The following PDLIM5 variants were observed in gnomAD, a reference collection of about 807,000 sequenced individuals.
The protein encoded by PDLIM5 is PDZ and LIM domain protein 5.
PDLIM5 carries 34 observed loss-of-function variants against 64.2 expected under a neutral mutation model. The observed-to-expected ratio is 0.53, with a 90% CI of 0.40 to 0.71. The LOEUF (loss-of-function observed/expected upper bound fraction) is 0.71, where lower values mean the gene tolerates loss of function less well. Among genes scored for constraint, PDLIM5 ranks in the 30% least tolerant of loss-of-function variants. The pLI, the probability that PDLIM5 is intolerant of heterozygous loss-of-function variation, is 0.00. For missense variants in PDLIM5, 683 were observed against 733.6 expected, an observed-to-expected ratio of 0.93 and a Z score of 0.80; for synonymous variants, 253 against 269.1, an observed-to-expected ratio of 0.94 and a Z score of 0.59.
intron 8 of PDLIM5, among the ~76,000 whole-genome samples, chr4:94,624,005 A>AT (rs1219792563): frequency 2.0e-5 from 3 of 151,576 alleles, no homozygotes; most frequent in South Asian, 2.1e-4. Flanking sequence ...CATGATAGGA[A>AT]TTTTTTTTTC....
At chr4:94,651,238 G>A (rs752624422) in intron 9 of PDLIM5, among the ~76,000 whole-genome samples, 19 of 152,200 alleles carry the variant, frequency 1.2e-4, no homozygotes, top group South Asian at 2.1e-4. Flanking sequence ...GGACAGCCAA[G>A]AAGTATCAAG....
chr4:94,609,660 T>C (rs75283400), intron 7 of PDLIM5, among the ~76,000 whole-genome samples: 1,670 of 152,324 alleles, frequency 0.011, 40 homozygotes, highest in African/African-American at 0.038. Flanking sequence ...TGCTCCTTCT[T>C]GATAAGCAGT....
intron 2 of PDLIM5, among the ~76,000 whole-genome samples, chr4:94,492,706 GT>G (rs1477354002): frequency 2.6e-5 from 4 of 151,972 alleles, no homozygotes; most frequent in Non-Finnish European, 5.9e-5. Flanking sequence ...CATAATACCG[GT>G]TTCTTACTCC....
At chr4:94,454,488 G>A (rs1055457829) in intron 1 of PDLIM5, among the ~76,000 whole-genome samples, 3 of 152,140 alleles carry the variant, frequency 2.0e-5, no homozygotes, top group Admixed American at 6.5e-5. Flanking sequence ...CACTTTTGCT[G>A]TATTTAGTCA....
At chr4:94,492,979 A>C (rs1578246771) in intron 2 of PDLIM5, among the ~76,000 whole-genome samples, 1 of 152,230 alleles carries the variant, frequency 6.6e-6, no homozygotes, top group East Asian at 1.9e-4. Context: ...CACCATTTTA[A>C]CTTCCCACCA....
At chr4:94,624,231 T>G (rs1214563908) in intron 8 of PDLIM5, among the ~76,000 whole-genome samples, 1 of 151,776 alleles carries the variant, frequency 6.6e-6, no homozygotes, top group African/African-American at 2.4e-5. Context: ...GATGGGAAGA[T>G]CTCTTGAGCC....
At chr4:94,655,667 A>G (rs1213075701) in intron 10 of PDLIM5, among the ~76,000 whole-genome samples, 8 of 152,240 alleles carry the variant, frequency 5.3e-5, no homozygotes, top group Non-Finnish European at 2.9e-5. Context: ...CAAATAATTA[A>G]TAGAATATTC....
intron 2 of PDLIM5, among the ~76,000 whole-genome samples, chr4:94,496,730 C>T (rs1211541780): frequency 6.6e-6 from 1 of 152,156 alleles, no homozygotes; most frequent in Non-Finnish European, 1.5e-5. Flanking sequence ...GCTTGCGTTC[C>T]AGTCTGCTGG....
Position 94,618,154 on chromosome 4 carries a change from C to T in PDLIM5, c.1071C>T (p.Val357=). ...AAFKPVGSTG[V]IKSPSWQRPN... is the part of the protein sequence containing the mutation. The stretch of plus-strand genomic sequence containing the variant: ...TCAAGCCTGTAGGATCCACTGGCGT[C>T]ATCAAGTCACCAAGCTGGCAACGGC... Residue 357 remains valine (V), a synonymous_variant, in exon 8 of 13, where the codon GTC becomes GTT. Coordinates refer to ENST00000317968, the MANE Select transcript of PDLIM5 (RefSeq NM_006457.5). 2 of 1,606,172 alleles carry T rather than the reference C, an allele frequency of 1.2e-6. No individual in the cohort carries two copies. The highest frequency in any genetic ancestry group is 2.2e-5 in the South Asian group (2 of 89,448).
intron 2 of PDLIM5, among the ~76,000 whole-genome samples, chr4:94,460,639 A>G (rs898337888): frequency 6.6e-5 from 10 of 152,032 alleles, no homozygotes; most frequent in East Asian, 1.9e-4. Flanking sequence ...AAAAGAAAAA[A>G]AAAAAGGTAA....
chr4:94,550,125 G>C (rs532551667), intron 3 of PDLIM5: 5 of 151,970 alleles, frequency 3.3e-5, no homozygotes, highest in African/African-American at 1.2e-4. Context: ...GTTATATAAT[G>C]ATTCAGTAGA....
At chr4:94,568,811 A>G (rs1734560088) in intron 3 of PDLIM5, among the ~76,000 whole-genome samples, 1 of 152,236 alleles carries the variant, frequency 6.6e-6, no homozygotes, top group Admixed American at 6.5e-5. Context: ...ATTCTTAAAA[A>G]TATGTCATAT....
At position 94,586,412 on chromosome 4, in the gene PDLIM5, A is replaced by G. The variant is rs774352679; in HGVS notation, c.888A>G (p.Lys296=). The G allele has an allele frequency of 1.3e-6, 2 of 1,505,672 alleles. No homozygotes were observed. Among genetic ancestry groups the G allele is most frequent in the South Asian group, 2.3e-5 (2 of 86,392 alleles). 93.3% of individuals were successfully genotyped at this position (1,505,672 alleles called of 1,614,324 possible). A position where few individuals can be genotyped will look rare whatever the true frequency, so the allele number is the denominator to read the frequency against. The change falls in exon 7 of 13, where the codon AAA becomes AAG. Residue 296 remains lysine (K), a synonymous_variant. Coordinates refer to ENST00000317968, the MANE Select transcript of PDLIM5 (RefSeq NM_006457.5). ...LAQITGTEHL[K]ESEADNTKKA... is the part of the protein sequence containing the mutation. ...ATATTGCTTATTATATTTCAGTGAA[A>G]GAATCTGAAGCCGATAATACAAAGA...
chr4:94,484,763 A>G (rs1451370511), intron 2 of PDLIM5, among the ~76,000 whole-genome samples: 1 of 152,192 alleles, frequency 6.6e-6, no homozygotes, highest in African/African-American at 2.4e-5. Context: ...TGCCTTAGCT[A>G]TATAAGCTTG....
intron 3 of PDLIM5, among the ~76,000 whole-genome samples, chr4:94,555,463 G>T (rs1210181179): frequency 6.6e-6 from 1 of 152,122 alleles, no homozygotes; most frequent in African/African-American, 2.4e-5. Flanking sequence ...AACTTATTCT[G>T]CAATGTATGT....
At chr4:94,593,084 A>G (rs1309322303) in intron 7 of PDLIM5, among the ~76,000 whole-genome samples, 5 of 152,272 alleles carry the variant, frequency 3.3e-5, no homozygotes, top group African/African-American at 1.2e-4. Context: ...ATTGGTCTAC[A>G]TGTCTTAAGT....
In PDLIM5 at chr4:94,585,610, T is replaced by G. The variant is rs780667379; in HGVS notation, c.756T>G (p.His252Gln). 5.6e-6 allele frequency: 9 copies of G among 1,613,398 alleles called. No individual in the cohort carries two copies. The East Asian group carries it at 1.1e-4, about 20-fold the overall frequency. ...TGGAGCGCTATACAGAGTTTTATCA[T>G]GTACCCACTCACAGTGATGCCAGCA... The part of the protein sequence containing the change: ...HIVERYTEFY[H>Q]VPTHSDASKK... Residue 252 changes from histidine to glutamine, a missense_variant, in exon 6 of 13, where the codon CAT becomes CAG. Physicochemically the swap from His to Gln is conservative, Grantham distance 24 (BLOSUM62 0). Transcript: ENST00000317968.
chr4:94,564,777 T>G (rs911427501), intron 3 of PDLIM5, among the ~76,000 whole-genome samples: 2 of 149,176 alleles, frequency 1.3e-5, no homozygotes, highest in Admixed American at 6.8e-5. Flanking sequence ...TGCCTCAGCC[T>G]CCCAGGTAGC....
intron 3 of PDLIM5, among the ~76,000 whole-genome samples, chr4:94,547,788 A>G (rs958967833): frequency 6.6e-6 from 1 of 151,866 alleles, no homozygotes; most frequent in Non-Finnish European, 1.5e-5. Flanking sequence ...TCCTTTCTAG[A>G]CTTCTTCTCA....
Sources: gnomAD v4.1 joint callset for allele counts (sites outside exome capture counted in the v4.1 genomes callset) on GRCh38, gnomAD v4.1.1 for gene constraint, MANE v1.5 for transcripts, NCBI Gene and HGNC (gene_info 2026-07-23, HGNC 2026-07-21) for gene names.